ENTREP2: variants seen among roughly 807,000 people sequenced by gnomAD.
ENTREP2 encodes endosomal transmembrane epsin interactor 2.
At chr15:29,151,768 C>T in the ENTREP2 span, 1 of 1,551,764 alleles carries the variant, frequency 6.4e-7, no homozygotes, top group Non-Finnish European at 8.7e-7. Context: ...CATCTGCATA[C>T]AGCACATGGC....
chr15:29,469,260 C>T, the ENTREP2 span, among the ~76,000 whole-genome samples: 4 of 152,328 alleles, frequency 2.6e-5, no homozygotes, highest in Admixed American at 6.5e-5. Context: ...AGTACAGTGG[C>T]GTGATCTGGG....
chr15:29,514,275 T>C, the ENTREP2 span, among the ~76,000 whole-genome samples: 1 of 152,204 alleles, frequency 6.6e-6, no homozygotes, highest in Non-Finnish European at 1.5e-5. Context: ...GCTTTCTGTC[T>C]CTAGGTGCCT....
At chr15:29,553,712 A>G in the ENTREP2 span, among the ~76,000 whole-genome samples, 1 of 152,088 alleles carries the variant, frequency 6.6e-6, no homozygotes, top group Non-Finnish European at 1.5e-5. Flanking sequence ...AAGTCCAACT[A>G]CCCTGAGACC....
At chr15:29,382,261 CAA>C in the ENTREP2 span, among the ~76,000 whole-genome samples, 65 of 134,864 alleles carry the variant, frequency 4.8e-4, no homozygotes, top group Admixed American at 4.6e-4. Flanking sequence ...GACTCCATCT[CAA>C]AAAAAAAAAA....
chr15:29,307,728 C>G, the ENTREP2 span, among the ~76,000 whole-genome samples: 1 of 152,154 alleles, frequency 6.6e-6, no homozygotes, highest in African/African-American at 2.4e-5. Context: ...AGAGACCTCT[C>G]TCTCTCTACC....
the ENTREP2 span, among the ~76,000 whole-genome samples, chr15:29,566,421 C>A: frequency 5.3e-5 from 8 of 151,790 alleles, no homozygotes; most frequent in Non-Finnish European, 1.2e-4. Context: ...GCCTCGGCCT[C>A]CCAAAGTGAT....
the ENTREP2 span, among the ~76,000 whole-genome samples, chr15:29,132,716 C>T: frequency 6.6e-6 from 1 of 152,196 alleles, no homozygotes; most frequent in Non-Finnish European, 1.5e-5. Flanking sequence ...CAACAGGAAC[C>T]CATTCCTTCC....
chr15:29,657,038 T>A, the ENTREP2 span, among the ~76,000 whole-genome samples: 5 of 152,074 alleles, frequency 3.3e-5, no homozygotes, highest in Non-Finnish European at 7.4e-5. Context: ...CGGGCCTTCG[T>A]GGTGAGTGTT....
chr15:29,390,477 C>T, the ENTREP2 span, among the ~76,000 whole-genome samples: 1 of 152,254 alleles, frequency 6.6e-6, no homozygotes, highest in Admixed American at 6.5e-5. Flanking sequence ...GGAGAGGAGG[C>T]CGAACCTTGC....
chr15:29,660,703 T>C, the ENTREP2 span, among the ~76,000 whole-genome samples: 1 of 152,226 alleles, frequency 6.6e-6, no homozygotes, highest in Non-Finnish European at 1.5e-5. Flanking sequence ...GTGTGAAAAG[T>C]AGTTTTAAAG....
At chr15:29,205,990 C>T in the ENTREP2 span, among the ~76,000 whole-genome samples, 1 of 152,368 alleles carries the variant, frequency 6.6e-6, no homozygotes, top group African/African-American at 2.4e-5. Context: ...AGCAATGCCA[C>T]TGTCCTGCAG....
At chr15:29,158,334 G>A in the ENTREP2 span, among the ~76,000 whole-genome samples, 1 of 151,036 alleles carries the variant, frequency 6.6e-6, no homozygotes, top group Non-Finnish European at 1.5e-5. Flanking sequence ...CTAAGTAACC[G>A]CAAACCACCT....
At chr15:29,566,186 G>A in the ENTREP2 span, among the ~76,000 whole-genome samples, 30 of 151,568 alleles carry the variant, frequency 2.0e-4, no homozygotes, top group African/African-American at 6.3e-4. Context: ...CTGAGACAGA[G>A]TCTTACTCCA....
the ENTREP2 span, among the ~76,000 whole-genome samples, chr15:29,238,517 C>G: frequency 3.5e-3 from 538 of 152,160 alleles, 4 homozygotes; most frequent in African/African-American, 0.012. Context: ...TGCCTGTAGT[C>G]CCAGCTACTC....
At chr15:29,470,160 G>T in the ENTREP2 span, among the ~76,000 whole-genome samples, 5 of 152,232 alleles carry the variant, frequency 3.3e-5, no homozygotes, top group Non-Finnish European at 7.3e-5. Flanking sequence ...ACCACAGACA[G>T]TCACGGCGTG....
the ENTREP2 span, among the ~76,000 whole-genome samples, chr15:29,645,552 T>C: frequency 6.8e-6 from 1 of 146,222 alleles, no homozygotes; most frequent in African/African-American, 2.8e-5. Context: ...GATTACCTTA[T>C]TTATTTATTT....
the ENTREP2 span, among the ~76,000 whole-genome samples, chr15:29,401,885 T>C: frequency 6.6e-6 from 1 of 152,204 alleles, no homozygotes; most frequent in African/African-American, 2.4e-5. Context: ...CAGTGTGCAC[T>C]GAAGGATCTC....
the ENTREP2 span, among the ~76,000 whole-genome samples, chr15:29,490,803 G>A: frequency 1.3e-5 from 2 of 152,232 alleles, no homozygotes; most frequent in Non-Finnish European, 2.9e-5. Flanking sequence ...GAGCCCAGCT[G>A]GCTTCCGCTA....
At chr15:29,519,241 A>T in the ENTREP2 span, among the ~76,000 whole-genome samples, 16 of 152,042 alleles carry the variant, frequency 1.1e-4, no homozygotes, top group Non-Finnish European at 4.4e-5. Context: ...GTACAACTTC[A>T]GGATTATCAA....
Sources: allele counts gnomAD v4.1 joint callset (sites outside exome capture counted in the v4.1 genomes callset), GRCh38; gene constraint gnomAD v4.1.1; transcripts MANE v1.5; gene names NCBI Gene and HGNC (gene_info 2026-07-23, HGNC 2026-07-21).